Variants in ECPAS observed in about 807,000 individuals in gnomAD.
The protein encoded by ECPAS is proteasome adapter and scaffold protein ECM29.
A neutral mutation model predicts 255.1 loss-of-function variants in ECPAS; 70 were observed. The ratio of observed to expected loss-of-function variants is 0.27; its 90% CI spans 0.23 to 0.33. The LOEUF (loss-of-function observed/expected upper bound fraction) is 0.33. Among genes scored for constraint, ECPAS ranks in the 10% least tolerant of loss-of-function variants. The probability of loss-of-function intolerance (pLI) is 1.00; values close to 1 mark genes in which losing one functional copy is unlikely to be tolerated. For missense variants in ECPAS, 1,817 were observed against 2,206.4 expected, an observed-to-expected ratio of 0.82 and a Z score of 3.54; for synonymous variants, 784 against 775.0, an observed-to-expected ratio of 1.01 and a Z score of -0.19.
chr9:111,376,888 CTA>C (rs757356337), intron 36 of ECPAS, among the ~76,000 whole-genome samples: 2 of 152,190 alleles, frequency 1.3e-5, no homozygotes, highest in African/African-American at 4.8e-5. Flanking sequence ...AAAATTGTGT[CTA>C]AGCAGTAGAA....
At chr9:111,369,403 A>G (rs534778794) in intron 45 of ECPAS, among the ~76,000 whole-genome samples, 1 of 152,348 alleles carries the variant, frequency 6.6e-6, no homozygotes, top group East Asian at 1.9e-4. Flanking sequence ...AAGCTAAAAA[A>G]TACTGCATAT....
chr9:111,371,823 A>T lies in ECPAS; in HGVS notation c.4535T>A (p.Phe1512Tyr). 6.2e-7 allele frequency: 1 copy of T among 1,609,792 alleles called. No homozygotes were observed. Among genetic ancestry groups the T allele is most frequent in the African/African-American group, 1.3e-5 (1 of 74,892 alleles). The change falls in exon 43 of 50, where the codon TTT becomes TAT. Residue 1512 changes from phenylalanine (F) to tyrosine (Y), a missense_variant. Physicochemically the swap from Phe to Tyr is conservative, Grantham distance 22. Around this residue, in one of 4 missense-constraint regions of ECPAS, gnomAD observed 960 missense variants for 1,179.0 expected, o/e 0.81. Coordinates refer to ENST00000684092, the MANE Select transcript of ECPAS (RefSeq NM_001364929.1). ...CTGCAGGTATAATCGAATGCCACCA[A>T]AGGATCCTAGGAAAGCAAAATTAAA... is the stretch of plus-strand genomic sequence containing the variant. ...EVWQENVPGSFGGIRLYLQEL... is the reference protein window; with the variant it reads ...EVWQENVPGSYGGIRLYLQEL...
chr9:111,415,115 T>C (rs1009736545), intron 18 of ECPAS, among the ~76,000 whole-genome samples: 2 of 152,178 alleles, frequency 1.3e-5, no homozygotes, highest in African/African-American at 4.8e-5. Context: ...TGAAATAGTA[T>C]ATACAACAAA....
intron 6 of ECPAS, among the ~76,000 whole-genome samples, chr9:111,439,827 G>A (rs766433308): frequency 4.0e-5 from 6 of 151,836 alleles, no homozygotes; most frequent in Non-Finnish European, 7.4e-5. Flanking sequence ...GGAGCCGCTG[G>A]GAAAGAAATT....
At position 111,451,517 on chromosome 9, in the gene ECPAS, C is replaced by A; in HGVS notation, c.61G>T (p.Glu21Ter). The A allele has an allele frequency of 6.3e-7, 1 of 1,576,166 alleles. No individual in the cohort carries two copies. Among genetic ancestry groups the A allele is most frequent in the South Asian group, 1.2e-5 (1 of 85,348 alleles). ...ATATTCTGTAATTGTTCATCTGTTT[C>A]AGCATGGCCAAGTCGTAAAAAGACC... ...ERVFLRLGHAETDEQLQNIIS... is the reference protein window; with the variant it reads ...ERVFLRLGHA The change falls in exon 3 of 50, where the codon GAA becomes TAA. Residue 21 changes from glutamate (E) to a stop codon, truncating the protein, a stop_gained. Transcript: ENST00000684092. LOFTEE classifies it high-confidence loss of function.
At chr9:111,365,384 G>A (rs1237771442) in intron 48 of ECPAS, among the ~76,000 whole-genome samples, 1 of 151,736 alleles carries the variant, frequency 6.6e-6, no homozygotes, top group African/African-American at 2.4e-5. Flanking sequence ...GAACATTACT[G>A]GCTGGGTGTG....
intron 26 of ECPAS, 65 bp from the exon 27 acceptor site, chr9:111,393,799 C>G: frequency 8.8e-7 from 1 of 1,133,124 alleles, no homozygotes; most frequent in Non-Finnish European, 1.3e-6. Context: ...AAGAGTCTTG[C>G]TCTCACCGTG....
intron 48 of ECPAS, among the ~76,000 whole-genome samples, chr9:111,365,288 TATCATCATCATCATC>T (rs143492409): frequency 2.0e-5 from 3 of 147,532 alleles, no homozygotes; most frequent in Non-Finnish European, 4.5e-5. Flanking sequence ...TAATAACCAT[TATCATCATCATCATC>T]ATCATCATCA....
rs1307472038 is a variant in ECPAS, at chr9:111,389,693, T to C, written c.3310A>G (p.Thr1104Ala). The C allele has an allele frequency of 6.2e-7, 1 of 1,613,222 alleles. No individual in the cohort carries two copies. The highest frequency in any genetic ancestry group is 8.5e-7 in the Non-Finnish European group (1 of 1,179,602). Reference sequence around the variant, plus strand: ...GGAGCCAGCTGCTCTCCAGCTCTGGTAGCAATTACATTAAAACCAAAAGCA... The same window carrying C: ...GGAGCCAGCTGCTCTCCAGCTCTGGCAGCAATTACATTAAAACCAAAAGCA... ...GAAFGFNVIA[T>A]RAGEQLAPFL... The change falls in exon 31 of 50, where the codon ACC (threonine) becomes GCC (alanine). Residue 1104 changes from threonine (T) to alanine (A), a missense_variant. By Grantham distance (58) the Thr-to-Ala change is moderately conservative (BLOSUM62 0). Around this residue, in one of 4 missense-constraint regions of ECPAS, gnomAD observed 960 missense variants for 1,179.0 expected, o/e 0.81. Transcript: ENST00000684092.
chr9:111,392,082 T>C (rs148284261), intron 28 of ECPAS, among the ~76,000 whole-genome samples: 2 of 152,060 alleles, frequency 1.3e-5, no homozygotes, highest in Admixed American at 6.5e-5. Context: ...CTACTAAAAA[T>C]ACAAAAAATT....
chr9:111,365,288 T>TTTCATC (rs371598548), intron 48 of ECPAS, among the ~76,000 whole-genome samples: 2 of 147,532 alleles, frequency 1.4e-5, no homozygotes, highest in African/African-American at 2.5e-5. Context: ...TAATAACCAT[T>TTTCATC]ATCATCATCA....
At chr9:111,431,350 G>A (rs1455440466) in intron 8 of ECPAS, among the ~76,000 whole-genome samples, 3 of 152,138 alleles carry the variant, frequency 2.0e-5, no homozygotes, top group Non-Finnish European at 4.4e-5. Context: ...CTGAGGATAG[G>A]AGTTCAAGGC....
At chr9:111,444,649 C>T (rs1195145989) in intron 3 of ECPAS, among the ~76,000 whole-genome samples, 155 bp from the exon 4 acceptor site, 1 of 152,202 alleles carries the variant, frequency 6.6e-6, no homozygotes, top group Non-Finnish European at 1.5e-5. Flanking sequence ...AGGGAGTATA[C>T]ACTACATGAA....
intron 2 of ECPAS, among the ~76,000 whole-genome samples, chr9:111,452,726 TAG>T: frequency 6.6e-6 from 1 of 152,266 alleles, no homozygotes; most frequent in South Asian, 2.1e-4. Flanking sequence ...GATACATGGA[TAG>T]ACAGACAGAC....
In ECPAS at chr9:111,414,607, C is replaced by G; in HGVS notation, c.1809G>C (p.Val603=). 5 of 1,613,880 alleles carry G rather than the reference C, an allele frequency of 3.1e-6. No homozygotes were observed. The highest frequency in any genetic ancestry group is 4.2e-6 in the Non-Finnish European group (5 of 1,179,868). The change falls in exon 19 of 50, where the codon GTG becomes GTC. Residue 603 remains valine (V), a synonymous_variant. Coordinates refer to ENST00000684092, the MANE Select transcript of ECPAS (RefSeq NM_001364929.1). The part of the protein sequence containing the change: ...LRMCLAHSAG[V]VPTSQSLADM... ...CAGCCAAACTCTGAGAGGTGGGCAC[C>G]ACCCCCGCACTGTGCGCAAGGCACA...
intron 15 of ECPAS, 63 bp downstream of exon 15, chr9:111,421,858 A>T (rs777942230): frequency 4.5e-6 from 7 of 1,568,680 alleles, no homozygotes; most frequent in Non-Finnish European, 6.0e-6. Flanking sequence ...GTAGCAATTC[A>T]AATTTTGTTC....
chr9:111,393,976 T>C (rs2098164036), intron 26 of ECPAS, among the ~76,000 whole-genome samples, 184 bp downstream of exon 26: 2 of 152,242 alleles, frequency 1.3e-5, no homozygotes, highest in Non-Finnish European at 2.9e-5. Flanking sequence ...CTTCTGACTT[T>C]ATTCCTTCAA....
Position 111,444,477 on chromosome 9 carries a change from G to A in ECPAS, c.171C>T (p.Val57=). 2 of 1,612,316 alleles carry A rather than the reference G, an allele frequency of 1.2e-6. No individual in the cohort carries two copies. Among genetic ancestry groups the A allele is most frequent in the Non-Finnish European group, 1.7e-6 (2 of 1,178,504 alleles). ...GGCTTTTTATACGTTTATTCAGATGGACCAGCAGTTCCATTACCTAAAATA... is the reference window on the plus strand; with the variant it reads ...GGCTTTTTATACGTTTATTCAGATGAACCAGCAGTTCCATTACCTAAAATA... The part of the protein sequence containing the change: ...GVRKKVMELL[V]HLNKRIKSRP... The change falls in exon 4 of 50, where the codon GTC becomes GTT. Residue 57 remains valine, a synonymous_variant. Coordinates refer to ENST00000684092, the MANE Select transcript of ECPAS (RefSeq NM_001364929.1).
chr9:111,417,922 C>T lies in ECPAS; in HGVS notation c.1644G>A (p.Met548Ile), dbSNP rs370746197. 5 of 1,588,224 alleles carry T rather than the reference C, an allele frequency of 3.1e-6. No homozygotes were observed. The highest frequency in any genetic ancestry group is 4.5e-5 in the East Asian group (2 of 44,126). ...RNRKESTSEQ[M>I]PSFPEMVYYI... The stretch of plus-strand genomic sequence containing the variant: ...AATAAACCATTTCTGGGAAGGAAGG[C>T]ATCTGCTCAGAAGTACTTTCTTTTC... The change falls in exon 17 of 50, where the codon ATG becomes ATA. Residue 548 changes from methionine to isoleucine, a missense_variant. By Grantham distance (10) the Met-to-Ile change is conservative. Transcript: ENST00000684092.
Sources: gnomAD v4.1 joint callset for allele counts (sites outside exome capture counted in the v4.1 genomes callset) on GRCh38, gnomAD v4.1.1 for gene constraint, gnomAD v4.1.1 regional missense constraint, MANE v1.5 for transcripts, NCBI Gene and HGNC (gene_info 2026-07-23, HGNC 2026-07-21) for gene names.